The following OSBPL10 variants were observed in gnomAD, a reference collection of about 807,000 sequenced individuals.
The protein encoded by OSBPL10 is oxysterol binding protein like 10.
Under a neutral mutation model 81.7 loss-of-function variants are expected in OSBPL10, and 49 were observed. That is an observed-to-expected ratio of 0.60 (90% CI 0.48 to 0.76). The LOEUF is 0.76. Ranked by LOEUF, OSBPL10 falls within the 30% of genes least tolerant of loss-of-function variation. The probability of loss-of-function intolerance (pLI) is 0.00; values close to 1 mark genes in which losing one functional copy is unlikely to be tolerated. For synonymous variants in OSBPL10, 419 were observed against 383.6 expected (o/e 1.09, Z -1.08); for missense variants, 923 against 987.8 (o/e 0.93, Z 0.88).
chr3:31,853,741 A>C (rs948653706), intron 3 of OSBPL10, among the ~76,000 whole-genome samples: 6 of 152,200 alleles, frequency 3.9e-5, no homozygotes, highest in Non-Finnish European at 2.9e-5. Context: ...AAGCACCTGC[A>C]CGTTCTGTTC....
intron 4 of OSBPL10, among the ~76,000 whole-genome samples, chr3:31,789,957 CTTTT>C (rs11299797): frequency 1.0e-4 from 15 of 149,814 alleles, no homozygotes; most frequent in Non-Finnish European, 2.1e-4. Flanking sequence ...CATTTTTATT[CTTTT>C]TTTTTTGCTT....
intron 2 of OSBPL10, among the ~76,000 whole-genome samples, chr3:32,004,658 A>G (rs1303625598): frequency 6.6e-6 from 1 of 152,220 alleles, no homozygotes; most frequent in Non-Finnish European, 1.5e-5. Context: ...TTCTTTCAAC[A>G]AAACTATTGA....
chr3:31,711,248 C>T (rs1173050375), intron 6 of OSBPL10, among the ~76,000 whole-genome samples: 2 of 152,228 alleles, frequency 1.3e-5, no homozygotes, highest in African/African-American at 4.8e-5. Context: ...GAAATGTCAG[C>T]CCTCTTTTGG....
chr3:31,871,175 G>A (rs1486204082), intron 3 of OSBPL10, among the ~76,000 whole-genome samples: 2 of 152,138 alleles, frequency 1.3e-5, no homozygotes, highest in Non-Finnish European at 2.9e-5. Flanking sequence ...AATAAATCTT[G>A]CTACTGCTCA....
chr3:31,740,870 T>TATATATATATA (rs1553620070), intron 5 of OSBPL10, among the ~76,000 whole-genome samples: 6 of 149,444 alleles, frequency 4.0e-5, no homozygotes, highest in Non-Finnish European at 5.9e-5. Flanking sequence ...TATATATATG[T>TATATATATATA]CATATTTCTT....
At chr3:31,972,261 C>A (rs773220472) in intron 1 of OSBPL10, among the ~76,000 whole-genome samples, 2 of 152,090 alleles carry the variant, frequency 1.3e-5, no homozygotes, top group Non-Finnish European at 2.9e-5. Flanking sequence ...TGGTGGCGGA[C>A]GCCTGTAATT....
At chr3:31,738,125 T>C (rs900280536) in intron 5 of OSBPL10, among the ~76,000 whole-genome samples, 9 of 152,042 alleles carry the variant, frequency 5.9e-5, no homozygotes, top group African/African-American at 1.9e-4. Flanking sequence ...TAAATACATG[T>C]CCTGGGCTGA....
chr3:31,680,554 G>A (rs1025722219), intron 8 of OSBPL10, among the ~76,000 whole-genome samples: 1 of 152,216 alleles, frequency 6.6e-6, no homozygotes, highest in African/African-American at 2.4e-5. Context: ...TCTGTGAAAT[G>A]AGGATAGCTG....
intron 1 of OSBPL10, among the ~76,000 whole-genome samples, chr3:31,914,173 G>T (rs1189141061): frequency 6.6e-6 from 1 of 151,864 alleles, no homozygotes. Flanking sequence ...CACCCACCTC[G>T]GCCTCCCAAA....
At chr3:31,768,328 C>A (rs1698263437) in intron 4 of OSBPL10, among the ~76,000 whole-genome samples, 1 of 152,224 alleles carries the variant, frequency 6.6e-6, no homozygotes, top group South Asian at 2.1e-4. Context: ...AAAACCAGTC[C>A]TACCAAACTC....
At chr3:31,777,200 T>A (rs540788285) in intron 4 of OSBPL10, among the ~76,000 whole-genome samples, 1 of 152,228 alleles carries the variant, frequency 6.6e-6, no homozygotes, top group Non-Finnish European at 1.5e-5. Context: ...TCAGATGACA[T>A]GCCCCTGGCT....
chr3:31,861,355 A>C (rs1425438609), intron 3 of OSBPL10, among the ~76,000 whole-genome samples: 1 of 152,146 alleles, frequency 6.6e-6, no homozygotes, highest in African/African-American at 2.4e-5. Flanking sequence ...CCTGTAAATC[A>C]CCTCTAAATT....
chr3:32,021,986 A>AT (rs1056330773), intron 2 of OSBPL10, among the ~76,000 whole-genome samples: 46 of 151,398 alleles, frequency 3.0e-4, no homozygotes, highest in Non-Finnish European at 2.9e-5. Context: ...CTCGAAAAAA[A>AT]AAAAAGTAAA....
At chr3:32,051,647 C>T (rs1000317197) in intron 1 of OSBPL10, among the ~76,000 whole-genome samples, 1 of 152,164 alleles carries the variant, frequency 6.6e-6, no homozygotes, top group Non-Finnish European at 1.5e-5. Context: ...GCCATGCCTG[C>T]TTACTAGGTC....
chr3:32,033,781 G>A (rs1699495639), intron 2 of OSBPL10, among the ~76,000 whole-genome samples: 1 of 152,180 alleles, frequency 6.6e-6, no homozygotes, highest in South Asian at 2.1e-4. Context: ...ATTTCTATCA[G>A]GCCAGGTGCA....
At chr3:31,775,030 G>A (rs1328684775) in intron 4 of OSBPL10, among the ~76,000 whole-genome samples, 1 of 151,846 alleles carries the variant, frequency 6.6e-6, no homozygotes, top group African/African-American at 2.4e-5. Context: ...AGCCGGGAAT[G>A]GTGGCATGTG....
chr3:31,809,048 A>G (rs1699596902), intron 4 of OSBPL10, among the ~76,000 whole-genome samples: 1 of 152,256 alleles, frequency 6.6e-6, no homozygotes. Flanking sequence ...AAGTAAGACT[A>G]AGCCAAGAAT....
At position 31,892,672 on chromosome 3, in the gene OSBPL10, G is replaced by A. The variant is rs139294242; in HGVS notation, c.282-12842C>T. On this transcript the variant is annotated intron_variant, in intron 1 of 11. Transcript: ENST00000396556. ...CAGCCTCCTCCTAGCAATGCTGACCGGTAGTTCGACTGGGGCAGCAGGGTT... is the reference window on the plus strand; with the variant it reads ...CAGCCTCCTCCTAGCAATGCTGACCAGTAGTTCGACTGGGGCAGCAGGGTT... 1.0e-3 allele frequency among the ~76,000 whole-genome samples: 153 copies of A among 152,302 alleles called. 1 individual carries two copies. The highest frequency in any genetic ancestry group is 2.5e-3 in the African/African-American group (104 of 41,564).
chr3:31,982,344 C>T (rs556943593), upstream of OSBPL10, among the ~76,000 whole-genome samples: 2 of 152,122 alleles, frequency 1.3e-5, no homozygotes, highest in African/African-American at 4.8e-5. Flanking sequence ...CTTTGAGGAA[C>T]TCAGACTCTC....
Sources: allele counts gnomAD v4.1 joint callset (sites outside exome capture counted in the v4.1 genomes callset), GRCh38; gene constraint gnomAD v4.1.1; transcripts MANE v1.5; gene names NCBI Gene and HGNC (gene_info 2026-07-23, HGNC 2026-07-21).